AKAP11: variants seen among roughly 807,000 people sequenced by gnomAD.
AKAP11 encodes A-kinase anchor protein 11.
AKAP11 carries 36 observed loss-of-function variants against 146.1 expected under a neutral mutation model. That is an observed-to-expected ratio of 0.25 (90% CI 0.19 to 0.33). The LOEUF (loss-of-function observed/expected upper bound fraction) is 0.33. AKAP11 is among the 10% of genes least tolerant of loss of function. AKAP11 has a pLI of 1.00. For missense variants in AKAP11, 2,201 were observed against 2,197.0 expected (o/e 1.00, Z -0.04); for synonymous variants, 780 against 786.5 (o/e 0.99, Z 0.14).
chr13:42,296,636 A>G (rs899330532), intron 5 of AKAP11, among the ~76,000 whole-genome samples: 15 of 152,184 alleles, frequency 9.9e-5, no homozygotes, highest in African/African-American at 3.1e-4. Flanking sequence ...AACGGATTAT[A>G]TTGTACAGAG....
intron 11 of AKAP11, 94 bp from the exon 12 acceptor site, chr13:42,317,434 A>G (rs1025022641): frequency 6.8e-6 from 9 of 1,316,500 alleles, no homozygotes; most frequent in Non-Finnish European, 9.3e-6. Flanking sequence ...TTAGAATCCT[A>G]AGAACCAGAA....
chr13:42,297,913 G>C (rs956403136), intron 6 of AKAP11, among the ~76,000 whole-genome samples: 1 of 151,780 alleles, frequency 6.6e-6, no homozygotes, highest in Non-Finnish European at 1.5e-5. Flanking sequence ...TAGGATATAA[G>C]AGGTGATAAG....
rs983857152 is a variant in AKAP11 at position 42,321,482 on chromosome 13, A to G, written c.*2254A>G. ...ACTTACATCAATTCAGTGCAGGGGC[A>G]TAGAATAAAATATTAAATATTGGCA... is the stretch of plus-strand genomic sequence containing the variant. On this transcript the variant is annotated 3_prime_UTR_variant, in exon 13 of 13. Coordinates refer to ENST00000025301, the MANE Select transcript of AKAP11 (RefSeq NM_016248.4). The G allele has an allele frequency of 6.6e-6, 1 of 152,324 alleles. No individual in the cohort carries two copies. The highest frequency in any genetic ancestry group is 2.4e-5 in the African/African-American group (1 of 41,462). The allele number at this position is 152,324 out of a possible 1,614,324, so 9.4% of individuals were successfully genotyped here.
chr13:42,281,721 A>G (rs1451405397), intron 1 of AKAP11, among the ~76,000 whole-genome samples: 2 of 152,170 alleles, frequency 1.3e-5, no homozygotes, highest in East Asian at 1.9e-4. Context: ...TATATTACAT[A>G]TATAGATACA....
chr13:42,314,003 T>G (rs889871339), intron 11 of AKAP11, 63 bp downstream of exon 11: 16 of 1,522,016 alleles, frequency 1.1e-5, no homozygotes, highest in Non-Finnish European at 1.5e-5. Flanking sequence ...TAGAAGAGTC[T>G]TTATGCATTT....
intron 1 of AKAP11, among the ~76,000 whole-genome samples, chr13:42,284,339 G>A (rs1408209280): frequency 1.3e-5 from 2 of 152,204 alleles, no homozygotes; most frequent in Non-Finnish European, 2.9e-5. Context: ...CCCTGCAGGT[G>A]CCACTTTACT....
At chr13:42,287,631 C>T (rs906566369) in intron 3 of AKAP11, among the ~76,000 whole-genome samples, 6 of 151,968 alleles carry the variant, frequency 3.9e-5, no homozygotes, top group Non-Finnish European at 5.9e-5. Context: ...GGTAAATTAC[C>T]TTTAAATTTA....
chr13:42,303,694 C>T lies in AKAP11; in HGVS notation c.4948C>T (p.Leu1650Phe), dbSNP rs776327237. 2 of 1,614,142 alleles carry T rather than the reference C, an allele frequency of 1.2e-6. No homozygotes were observed. The highest frequency in any genetic ancestry group is 1.7e-5 in the Admixed American group (1 of 60,020). ...IHVNLDKKAV[L>F]AEKIVAEAIE... ...TGTTAATCTTGATAAGAAGGCAGTG[C>T]TTGCTGAGAAGATAGTTGCTGAAGC... Residue 1650 changes from leucine to phenylalanine, a missense_variant, in exon 8 of 13, where the codon CTT becomes TTT. Coordinates refer to ENST00000025301, the MANE Select transcript of AKAP11 (RefSeq NM_016248.4).
chr13:42,292,275 A>G (rs1407587878), intron 3 of AKAP11, 110 bp from the exon 4 acceptor site: 3 of 516,928 alleles, frequency 5.8e-6, no homozygotes, highest in Non-Finnish European at 1.0e-5. Context: ...AAAAGGTGCC[A>G]GTGAATATTA....
Position 42,319,906 on chromosome 13 carries a change from GGTGTGT to G in AKAP11, c.*717_*722del, listed in dbSNP as rs3038992. The G allele has an allele frequency of 0.057, 7,540 of 132,694 alleles. 242 individuals carry two copies. Among genetic ancestry groups the G allele is most frequent in the African/African-American group, 0.1 (3,680 of 36,530 alleles). 8.2% of individuals were successfully genotyped at this position (132,694 alleles called of 1,614,324 possible). Reference sequence around the variant, plus strand: ...TGCTGCCAGTCATTCTGGCATGAAAGGTGTGTGTGTGTGTGTGTGTGTGTGTGTGTG... The same window carrying G: ...TGCTGCCAGTCATTCTGGCATGAAAGGTGTGTGTGTGTGTGTGTGTGTGTG... On this transcript the variant is annotated 3_prime_UTR_variant, in exon 13 of 13. Coordinates refer to ENST00000025301, the MANE Select transcript of AKAP11 (RefSeq NM_016248.4).
At position 42,308,485 on chromosome 13, in the gene AKAP11, G is replaced by C. The variant is rs746242948; in HGVS notation, c.5149G>C (p.Glu1717Gln). 6.2e-7 allele frequency: 1 copy of C among 1,602,756 alleles called. No individual in the cohort carries two copies. The change falls in exon 9 of 13, where the codon GAG (glutamate) becomes CAG (glutamine). Residue 1717 changes from glutamate (E) to glutamine (Q), a missense_variant. Glu to Gln is a conservative substitution (Grantham distance 29, BLOSUM62 2). Transcript: ENST00000025301. Reference protein sequence around the residue: ...SKEIEDFQSTESVSSQQMNLS... With the variant: ...SKEIEDFQSTQSVSSQQMNLS... ...AGAAATAGAAGACTTTCAGTCAACCGAGTCTGTCAGTAGCCAGCAGATGAA... is the reference window on the plus strand; with the variant it reads ...AGAAATAGAAGACTTTCAGTCAACCCAGTCTGTCAGTAGCCAGCAGATGAA...
chr13:42,301,554 C>T lies in AKAP11; in HGVS notation c.2808C>T (p.Asp936=). The T allele has an allele frequency of 6.2e-7, 1 of 1,614,116 alleles. No individual in the cohort carries two copies. Among genetic ancestry groups the T allele is most frequent in the Non-Finnish European group, 8.5e-7 (1 of 1,179,986 alleles). Residue 936 remains aspartate, a synonymous_variant, in exon 8 of 13, where the codon GAC becomes GAT. Coordinates refer to ENST00000025301, the MANE Select transcript of AKAP11 (RefSeq NM_016248.4). The part of the protein sequence containing the change: ...LQCSEASSNK[D]MFADRLSKSI... The stretch of plus-strand genomic sequence containing the variant: ...GCAGTGAAGCTAGTAGCAATAAGGA[C>T]ATGTTTGCTGACCGGTTATCTAAAT...
chr13:42,313,100 A>C lies in AKAP11; in HGVS notation c.5327A>C (p.Glu1776Ala). ...CTTGGTTTAGAAGGAGATTTGTATGAGGACAATTTATCCTTTCCAACATCA... is the reference window on the plus strand; with the variant it reads ...CTTGGTTTAGAAGGAGATTTGTATGCGGACAATTTATCCTTTCCAACATCA... ...SSLGLEGDLY[E>A]DNLSFPTSDS... Residue 1776 changes from glutamate to alanine, a missense_variant, in exon 10 of 13, where the codon GAG becomes GCG. Coordinates refer to ENST00000025301, the MANE Select transcript of AKAP11 (RefSeq NM_016248.4). 1 of 1,613,416 alleles carries C rather than the reference A, an allele frequency of 6.2e-7. No homozygotes were observed. Among genetic ancestry groups the C allele is most frequent in the Non-Finnish European group, 8.5e-7 (1 of 1,179,792 alleles).
intron 3 of AKAP11, among the ~76,000 whole-genome samples, chr13:42,287,367 T>C (rs972669616): frequency 2.0e-5 from 3 of 152,064 alleles, no homozygotes; most frequent in Non-Finnish European, 4.4e-5. Flanking sequence ...TACTGCAAGC[T>C]CTGACTCCTG....
At chr13:42,292,532 T>C in intron 4 of AKAP11, 31 bp downstream of exon 4, 1 of 1,337,184 alleles carries the variant, frequency 7.5e-7, no homozygotes, top group Non-Finnish European at 1.0e-6. Flanking sequence ...AACCCTTTCC[T>C]AATAATGCAC....
In AKAP11 at chr13:42,308,612, A is replaced by G; in HGVS notation, c.5273+3A>G. The G allele has an allele frequency of 6.2e-7, 1 of 1,610,776 alleles. No individual in the cohort carries two copies. The highest frequency in any genetic ancestry group is 8.5e-7 in the Non-Finnish European group (1 of 1,177,958). On this transcript the variant is annotated splice_donor_region_variant and intron_variant, in intron 9 of 12. Transcript: ENST00000025301. ...AGTTTTCATCATCTAAGTGAAAGGT[A>G]ACTACACTTTTGCATATAATTGTGT...
chr13:42,274,417 C>CT (rs1346110365), intron 1 of AKAP11, among the ~76,000 whole-genome samples: 2 of 152,206 alleles, frequency 1.3e-5, no homozygotes, highest in Non-Finnish European at 2.9e-5. Flanking sequence ...GGCTTGGTGC[C>CT]TTACACTTGT....
Position 42,300,502 on chromosome 13 carries a change from A to C in AKAP11, c.1756A>C (p.Lys586Gln), listed in dbSNP as rs1196737793. 1 of 1,614,006 alleles carries C rather than the reference A, an allele frequency of 6.2e-7. No homozygotes were observed. The highest frequency in any genetic ancestry group is 8.5e-7 in the Non-Finnish European group (1 of 1,179,988). Residue 586 changes from lysine (K) to glutamine (Q), a missense_variant, in exon 8 of 13, where the codon AAA becomes CAA. Lys to Gln is a moderately conservative substitution (Grantham distance 53). Transcript: ENST00000025301. ...CAATGCTTTGTACCACTTAGCCATC[A>C]AATTGACATCATCTGTTTTGCAGAT... ...CTNALYHLAI[K>Q]LTSSVLQMAF...
At chr13:42,272,594 G>T (rs1407781348) in intron 1 of AKAP11, among the ~76,000 whole-genome samples, 1 of 149,742 alleles carries the variant, frequency 6.7e-6, no homozygotes, top group Non-Finnish European at 1.5e-5. Context: ...GGTGCGTGGT[G>T]CGCGTGCTTA....
Sources: gnomAD v4.1 joint callset for allele counts (sites outside exome capture counted in the v4.1 genomes callset) on GRCh38, gnomAD v4.1.1 for gene constraint, MANE v1.5 for transcripts, NCBI Gene and HGNC (gene_info 2026-07-23, HGNC 2026-07-21) for gene names.